Variants in MAGI1 observed in about 807,000 individuals in gnomAD.
MAGI1 encodes membrane associated guanylate kinase, WW and PDZ domain containing 1.
Under a neutral mutation model 139.9 loss-of-function variants are expected in MAGI1, and 58 were observed. The observed-to-expected ratio is 0.41, with a 90% CI of 0.34 to 0.52. MAGI1 has a LOEUF of 0.52. MAGI1 is among the 20% of genes least tolerant of loss of function. MAGI1 has a pLI of 0.12. For synonymous variants in MAGI1, 812 were observed against 737.9 expected (o/e 1.10, Z -1.63); for missense variants, 1,874 against 1,901.6 (o/e 0.99, Z 0.27).
chr3:65,655,337 G>GA (rs2085814039), intron 1 of MAGI1, among the ~76,000 whole-genome samples: 1 of 151,972 alleles, frequency 6.6e-6, no homozygotes, highest in Non-Finnish European at 1.5e-5. Flanking sequence ...TAATTAAAAG[G>GA]AAAAAAATCT....
intron 1 of MAGI1, among the ~76,000 whole-genome samples, chr3:65,699,440 C>A (rs1051101373): frequency 6.8e-6 from 1 of 146,914 alleles, no homozygotes; most frequent in Admixed American, 6.7e-5. Context: ...ATGTTTATTG[C>A]GGCATTATTC....
At chr3:65,435,477 T>C (rs950528474) in intron 10 of MAGI1, among the ~76,000 whole-genome samples, 4 of 150,076 alleles carry the variant, frequency 2.7e-5, no homozygotes, top group African/African-American at 7.5e-5. Context: ...TGTGGATGGA[T>C]GGATGGATGG....
chr3:65,827,243 A>G (rs1457331850), intron 1 of MAGI1, among the ~76,000 whole-genome samples: 1 of 152,148 alleles, frequency 6.6e-6, no homozygotes, highest in African/African-American at 2.4e-5. Flanking sequence ...AAACAGCAAC[A>G]TTCATGACCA....
intron 1 of MAGI1, among the ~76,000 whole-genome samples, chr3:65,745,202 T>G (rs2035603400): frequency 6.6e-6 from 1 of 152,110 alleles, no homozygotes; most frequent in African/African-American, 2.4e-5. Context: ...ATGCTTTGTG[T>G]CTCAAATAAG....
chr3:65,480,264 G>T (rs749669037), intron 3 of MAGI1, among the ~76,000 whole-genome samples: 1 of 151,984 alleles, frequency 6.6e-6, no homozygotes, highest in Non-Finnish European at 1.5e-5. Context: ...AGGGTACAGT[G>T]GATCATGCCT....
At chr3:65,760,493 A>G (rs1674081718) in intron 1 of MAGI1, among the ~76,000 whole-genome samples, 1 of 151,904 alleles carries the variant, frequency 6.6e-6, no homozygotes, top group African/African-American at 2.4e-5. Flanking sequence ...GGCTCAAGCG[A>G]CAGGAACACA....
At chr3:65,388,664 G>C (rs1463416586) in intron 14 of MAGI1, among the ~76,000 whole-genome samples, 1 of 151,990 alleles carries the variant, frequency 6.6e-6, no homozygotes. Context: ...TCCTCATTTA[G>C]TAGTGAGGAA....
intron 2 of MAGI1, among the ~76,000 whole-genome samples, chr3:65,621,634 C>T (rs1057296958): frequency 2.6e-5 from 4 of 152,166 alleles, no homozygotes; most frequent in Non-Finnish European, 4.4e-5. Flanking sequence ...AGGCTCACAG[C>T]ACACCATTAC....
At chr3:65,933,878 C>A (rs1208507053) in intron 1 of MAGI1, among the ~76,000 whole-genome samples, 2 of 152,166 alleles carry the variant, frequency 1.3e-5, no homozygotes, top group Admixed American at 6.5e-5. Flanking sequence ...ATAATCCCAG[C>A]ACTTTGGGAG....
chr3:65,863,314 C>G (rs768557792), intron 1 of MAGI1, among the ~76,000 whole-genome samples: 12 of 152,236 alleles, frequency 7.9e-5, no homozygotes, highest in Non-Finnish European at 4.4e-5. Context: ...AGCCAAGTGT[C>G]TCTCTGTGTT....
intron 2 of MAGI1, among the ~76,000 whole-genome samples, chr3:65,544,423 G>C (rs1194712019): frequency 6.6e-6 from 1 of 152,148 alleles, no homozygotes; most frequent in Non-Finnish European, 1.5e-5. Context: ...TATAGGATTT[G>C]TGCATGTGTT....
chr3:65,863,576 T>C (rs2059624192), intron 1 of MAGI1, among the ~76,000 whole-genome samples: 1 of 152,194 alleles, frequency 6.6e-6, no homozygotes, highest in African/African-American at 2.4e-5. Context: ...ATTACCTTTG[T>C]TGACAGCCCT....
intron 4 of MAGI1, among the ~76,000 whole-genome samples, chr3:65,471,302 T>C (rs922612333): frequency 6.6e-6 from 1 of 152,178 alleles, no homozygotes; most frequent in Admixed American, 6.5e-5. Context: ...AGGCCGATGA[T>C]ATTAAATGTC....
chr3:65,605,656 G>C (rs1472189505), intron 2 of MAGI1, among the ~76,000 whole-genome samples: 3 of 152,110 alleles, frequency 2.0e-5, no homozygotes, highest in Non-Finnish European at 2.9e-5. Flanking sequence ...CAGCAGATAA[G>C]AGTTAATGAA....
chr3:65,909,388 G>C (rs949824345), intron 1 of MAGI1, among the ~76,000 whole-genome samples: 2 of 151,940 alleles, frequency 1.3e-5, no homozygotes, highest in Non-Finnish European at 2.9e-5. Context: ...TGTTTAATTA[G>C]CTAGGTGTTG....
Position 65,411,803 on chromosome 3 carries a change from T to C in MAGI1, c.2168-10333A>G, listed in dbSNP as rs139767401. On this transcript the variant is annotated intron_variant, in intron 12 of 22. Transcript: ENST00000402939. ...AATAATATCCGGGCTTTTAACCTTA[T>C]AGGACACCAAACCCCTGAAACCTAA... 3.4e-4 allele frequency among the ~76,000 whole-genome samples: 52 copies of C among 152,264 alleles called. No homozygotes were observed. The East Asian group carries it at 9.7e-3, about 28-fold the overall frequency.
chr3:65,979,336 A>G (rs536940439), intron 1 of MAGI1, among the ~76,000 whole-genome samples: 22 of 152,176 alleles, frequency 1.4e-4, no homozygotes, highest in African/African-American at 4.8e-4. Context: ...ACGTCATCCA[A>G]CAAAAACCAT....
chr3:65,653,375 G>T (rs573152219), intron 1 of MAGI1, among the ~76,000 whole-genome samples: 3 of 152,098 alleles, frequency 2.0e-5, no homozygotes, highest in Non-Finnish European at 4.4e-5. Context: ...TCTAAAAGAC[G>T]AATCTGATTG....
intron 2 of MAGI1, among the ~76,000 whole-genome samples, chr3:65,547,051 A>T (rs950399613): frequency 4.6e-5 from 7 of 152,214 alleles, no homozygotes; most frequent in Admixed American, 2.0e-4. Flanking sequence ...AGTAATGCTG[A>T]ACCACTGTTA....
Sources: gnomAD v4.1 joint callset for allele counts (sites outside exome capture counted in the v4.1 genomes callset) on GRCh38, gnomAD v4.1.1 for gene constraint, MANE v1.5 for transcripts, NCBI Gene and HGNC (gene_info 2026-07-23, HGNC 2026-07-21) for gene names.